ABAT: variants seen among roughly 807,000 people sequenced by gnomAD.
ABAT encodes 4-aminobutyrate aminotransferase, also known as 4-aminobutyrate aminotransferase, mitochondrial.
A neutral mutation model predicts 64.6 loss-of-function variants in ABAT; 45 were observed. The observed-to-expected ratio is 0.70, with a 90% CI of 0.55 to 0.89. ABAT has a LOEUF of 0.89. ABAT is among the 40% of genes least tolerant of loss of function. ABAT has a pLI of 0.00. For missense variants in ABAT, 633 were observed against 658.4 expected (o/e 0.96, Z 0.42); for synonymous variants, 297 against 250.5 (o/e 1.19, Z -1.75).
At position 8,746,011 on chromosome 16, in the gene ABAT, C is replaced by T. The variant is rs1304664526; in HGVS notation, c.81C>T (p.His27=). The T allele has an allele frequency of 3.1e-6, 5 of 1,613,940 alleles. No homozygotes were observed. The highest frequency in any genetic ancestry group is 3.3e-5 in the Admixed American group (2 of 60,012). Residue 27 remains histidine, a synonymous_variant, in exon 3 of 16, where the codon CAC becomes CAT. Transcript: ENST00000268251. ...CTTTGTTTACTGCAGGATCCAGACA[C>T]ATTAGTCAAGCTGCAGCCAAAGTCG... ...SYRLLVPGSR[H]ISQAAAKVDV...
In ABAT at chr16:8,764,654, T is replaced by A; in HGVS notation, c.448-84T>A. The A allele has an allele frequency of 7.7e-7, 1 of 1,304,816 alleles. No homozygotes were observed. Among genetic ancestry groups the A allele is most frequent in the Admixed American group, 1.7e-5 (1 of 59,398 alleles). 80.8% of individuals were successfully genotyped at this position (1,304,816 alleles called of 1,614,324 possible). A position where few individuals can be genotyped will look rare whatever the true frequency, so the allele number is the denominator to read the frequency against. On this transcript the variant is annotated intron_variant, in intron 7 of 15. Transcript: ENST00000268251. This position sits in a 1 kb window ranked among gnomAD's most constrained non-coding sequence, Gnocchi z 4.2. Reference sequence around the variant, plus strand: ...TTCTGTCTGTCCCCGGTACGGCCCCTGCGAAGATTCAGCTCCAGCCAGGGG... The same window carrying A: ...TTCTGTCTGTCCCCGGTACGGCCCCAGCGAAGATTCAGCTCCAGCCAGGGG...
intron 3 of ABAT, among the ~76,000 whole-genome samples, chr16:8,746,600 T>G (rs921643269): frequency 2.0e-5 from 3 of 151,204 alleles, no homozygotes; most frequent in African/African-American, 7.3e-5. Flanking sequence ...AGGCTGGTCT[T>G]GAAGTCCTGA....
At chr16:8,746,660 C>G (rs764031416) in intron 3 of ABAT, among the ~76,000 whole-genome samples, 1 of 151,150 alleles carries the variant, frequency 6.6e-6, no homozygotes, top group Non-Finnish European at 1.5e-5. Flanking sequence ...GGATTACAGG[C>G]GAGATGGTGC....
chr16:8,765,329 C>G (rs182258214), intron 8 of ABAT, among the ~76,000 whole-genome samples: 98 of 141,508 alleles, frequency 6.9e-4, no homozygotes, highest in African/African-American at 2.6e-3. Flanking sequence ...GAGTAAGACC[C>G]TGTCTCAAAA....
rs558961192 is a variant in ABAT at position 8,738,548 on chromosome 16, G to C, written c.70+2739G>C. On this transcript the variant is annotated intron_variant, in intron 2 of 15. Coordinates refer to ENST00000268251, the MANE Select transcript of ABAT (RefSeq NM_020686.6). ...TTTCCTTATTCTTCTCGACCTGGGT[G>C]GTTTTAAGAAGTTATCAATGGCTTT... 3.6e-4 allele frequency: 151 copies of C among 415,500 alleles called. 3 individuals carry two copies. Among genetic ancestry groups the C allele is most frequent in the South Asian group, 2.7e-3 (151 of 56,142 alleles). 25.7% of individuals were successfully genotyped at this position (415,500 alleles called of 1,614,324 possible). A position where few individuals can be genotyped will look rare whatever the true frequency, so the allele number is the denominator to read the frequency against.
intron 8 of ABAT, chr16:8,765,955 TCAGCAGATCTTAATC>T: frequency 2.3e-6 from 1 of 438,198 alleles, no homozygotes; most frequent in Non-Finnish European, 4.3e-6. Context: ...TGCAACGCTC[TCAGCAGATCTTAATC>T]CAACAGATCT....
chr16:8,721,336 G>T (rs2058364791), intron 1 of ABAT, among the ~76,000 whole-genome samples: 1 of 152,010 alleles, frequency 6.6e-6, no homozygotes, highest in African/African-American at 2.4e-5. Context: ...AAGTCCTGTG[G>T]TCATATGCAG....
chr16:8,685,367 T>C (rs1339025402), intron 1 of ABAT, among the ~76,000 whole-genome samples: 1 of 151,596 alleles, frequency 6.6e-6, no homozygotes, highest in Non-Finnish European at 1.5e-5. Context: ...TGCATAACTC[T>C]TTTTCTATAA....
At chr16:8,725,228 T>C (rs1031796531) in intron 1 of ABAT, among the ~76,000 whole-genome samples, 5 of 152,240 alleles carry the variant, frequency 3.3e-5, no homozygotes, top group Admixed American at 6.5e-5. Context: ...TTCATTTTTA[T>C]TAAGATAAAC....
chr16:8,719,574 G>A (rs2058306868), intron 1 of ABAT, among the ~76,000 whole-genome samples: 1 of 152,180 alleles, frequency 6.6e-6, no homozygotes, highest in African/African-American at 2.4e-5. Context: ...TGAGGATGAG[G>A]CAGATCAGCT....
intron 1 of ABAT, among the ~76,000 whole-genome samples, chr16:8,710,732 A>AGAGAGGGAGAGGGAGGGAGGG (rs2058053747): frequency 2.2e-5 from 1 of 45,384 alleles, no homozygotes; most frequent in Non-Finnish European, 6.3e-5. Flanking sequence ...GAGAGAGAGG[A>AGAGAGGGAGAGGGAGGGAGGG]AATAGGCTCA....
chr16:8,733,057 G>T (rs1312422356), intron 1 of ABAT, among the ~76,000 whole-genome samples: 3 of 146,492 alleles, frequency 2.0e-5, no homozygotes, highest in Non-Finnish European at 3.0e-5. Context: ...CGGATGGGGC[G>T]GCTGGCCGGG....
intron 1 of ABAT, among the ~76,000 whole-genome samples, chr16:8,707,734 A>C (rs1445495095): frequency 6.6e-6 from 1 of 152,128 alleles, no homozygotes; most frequent in Non-Finnish European, 1.5e-5. Flanking sequence ...GAATTAGGGA[A>C]CTTTTTTTAA....
intron 1 of ABAT, among the ~76,000 whole-genome samples, chr16:8,681,309 T>A (rs1203260320): frequency 1.3e-5 from 2 of 152,082 alleles, no homozygotes; most frequent in African/African-American, 2.4e-5. Context: ...TTTATATAAA[T>A]AAATGTTTCT....
chr16:8,733,817 G>C (rs1015626169), intron 1 of ABAT, among the ~76,000 whole-genome samples: 2 of 144,724 alleles, frequency 1.4e-5, no homozygotes, highest in Non-Finnish European at 3.0e-5. Flanking sequence ...CGTGGAAAGA[G>C]AGGGAGAGGG....
intron 1 of ABAT, among the ~76,000 whole-genome samples, chr16:8,682,547 G>A (rs933088393): frequency 4.6e-5 from 7 of 152,170 alleles, no homozygotes; most frequent in South Asian, 2.1e-4. Context: ...TAGAATCACC[G>A]GCGGCCAGAA....
chr16:8,710,694 CAGAG>C (rs558327984), intron 1 of ABAT, among the ~76,000 whole-genome samples: 16,462 of 122,168 alleles, frequency 0.13, 1,223 homozygotes, highest in Admixed American at 0.15. Flanking sequence ...GAGAGAGAGA[CAGAG>C]AGAGAGAGAG....
intron 1 of ABAT, among the ~76,000 whole-genome samples, chr16:8,680,376 G>A (rs188021555): frequency 3.3e-5 from 5 of 152,162 alleles, no homozygotes; most frequent in Non-Finnish European, 7.4e-5. Context: ...TTTTAAATTG[G>A]GGTAAAATAC....
rs1441401703 is a variant in ABAT at position 8,757,781 on chromosome 16, A to T, written c.341A>T (p.Lys114Ile). The change falls in exon 6 of 16, where the codon AAA becomes ATA. Residue 114 changes from lysine (K) to isoleucine (I), a missense_variant. Physicochemically the swap from Lys to Ile is moderately radical, Grantham distance 102. Transcript: ENST00000268251. ...GGTTACAGCCACCCCGCCCTGCTGA[A>T]ACTCATCCAACAGCCTCAAAATGCG... is the stretch of plus-strand genomic sequence containing the variant. Reference protein sequence around the residue: ...PIGYSHPALLKLIQQPQNASM... With the variant: ...PIGYSHPALLILIQQPQNASM... The T allele has an allele frequency of 6.2e-7, 1 of 1,614,098 alleles. No homozygotes were observed. Among genetic ancestry groups the T allele is most frequent in the Non-Finnish European group, 8.5e-7 (1 of 1,179,960 alleles).
Sources: gnomAD v4.1 joint callset for allele counts (sites outside exome capture counted in the v4.1 genomes callset) on GRCh38, gnomAD v4.1.1 for gene constraint, Gnocchi (gnomAD v3.1) non-coding constraint, MANE v1.5 for transcripts, NCBI Gene and HGNC (gene_info 2026-07-23, HGNC 2026-07-21) for gene names.